Variants in MFAP3 observed in about 807,000 individuals in gnomAD.
MFAP3 encodes microfibril-associated glycoprotein 3.
MFAP3 carries 8 observed loss-of-function variants against 20.5 expected under a neutral mutation model. The ratio of observed to expected loss-of-function variants is 0.39; its 90% confidence interval spans 0.23 to 0.70. The LOEUF (loss-of-function observed/expected upper bound fraction) is 0.70. MFAP3 is among the 30% of genes least tolerant of loss of function. MFAP3 has a pLI of 0.44. For missense variants in MFAP3, 398 were observed against 444.6 expected, an observed-to-expected ratio of 0.90 and a Z score of 0.94; for synonymous variants, 140 against 154.0, an observed-to-expected ratio of 0.91 and a Z score of 0.67.
intron 1 of MFAP3, among the ~76,000 whole-genome samples, chr5:154,042,084 A>G (rs1422084311): frequency 6.6e-6 from 1 of 152,224 alleles, no homozygotes; most frequent in Non-Finnish European, 1.5e-5. Context: ...TGATACTGCA[A>G]AACTGGAAGA....
intron 2 of MFAP3, among the ~76,000 whole-genome samples, chr5:154,050,319 G>C (rs1056965998): frequency 1.3e-5 from 2 of 152,134 alleles, no homozygotes; most frequent in African/African-American, 4.8e-5. Context: ...CAGGGCTGCT[G>C]CATACAGCTG....
chr5:154,053,438 A>C lies in MFAP3; in HGVS notation c.814A>C (p.Lys272Gln). ...CCCTGATGACCTGGGTGAAAGAATTAAAGAGAGACCTGCCTTGAATGCTCA... is the reference window on the plus strand; with the variant it reads ...CCCTGATGACCTGGGTGAAAGAATTCAAGAGAGACCTGCCTTGAATGCTCA... Reference protein sequence around the residue: ...DDPDDLGERIKERPALNAQGG... With the variant: ...DDPDDLGERIQERPALNAQGG... The change falls in exon 3 of 3, where the codon AAA (lysine) becomes CAA (glutamine). Residue 272 changes from lysine to glutamine, a missense_variant. Transcript: ENST00000522782. The C allele has an allele frequency of 6.2e-7, 1 of 1,614,012 alleles. No homozygotes were observed.
chr5:154,044,237 T>A (rs1773026151), intron 1 of MFAP3, among the ~76,000 whole-genome samples: 1 of 152,238 alleles, frequency 6.6e-6, no homozygotes, highest in Admixed American at 6.5e-5. Context: ...ATGAGCAGAA[T>A]GGTCATAGTC....
At position 154,053,726 on chromosome 5, in the gene MFAP3, T is replaced by TA. The variant is rs1232608408; in HGVS notation, c.*15dup. 1.9e-6 allele frequency: 3 copies of TA among 1,593,548 alleles called. No homozygotes were observed. The Admixed American group carries it at 5.1e-5, about 27-fold the overall frequency. ...CTGTCAGCTGTAACCTACAATGCTG[T>TA]AACCCAGTACCTACAAAATCAGCTC... is the stretch of plus-strand genomic sequence containing the variant. On this transcript the variant is annotated 3_prime_UTR_variant, in exon 3 of 3. Coordinates refer to ENST00000522782, the MANE Select transcript of MFAP3 (RefSeq NM_005927.5).
At chr5:154,052,279 C>T (rs1447169928) in intron 2 of MFAP3, among the ~76,000 whole-genome samples, 2 of 151,856 alleles carry the variant, frequency 1.3e-5, no homozygotes, top group Admixed American at 1.3e-4. Flanking sequence ...TTCAGTTACT[C>T]TTGCCAGAAA....
chr5:154,049,568 A>T lies in MFAP3; in HGVS notation c.-155A>T. The T allele has an allele frequency of 2.7e-6, 2 of 729,648 alleles. No homozygotes were observed. Among genetic ancestry groups the T allele is most frequent in the Non-Finnish European group, 4.4e-6 (2 of 456,448 alleles). The allele number at this position is 729,648 out of a possible 1,614,324, so 45.2% of individuals were successfully genotyped here. ...TGGCTTTCTTTTAGGTTCTCTACTCACATCTTTTAATCTTGAAGACTAGAA... is the reference window on the plus strand; with the variant it reads ...TGGCTTTCTTTTAGGTTCTCTACTCTCATCTTTTAATCTTGAAGACTAGAA... On this transcript the variant is annotated 5_prime_UTR_variant, in exon 2 of 3. Transcript: ENST00000522782.
Position 154,056,622 on chromosome 5 carries a change from G to A in MFAP3, c.*2909G>A, listed in dbSNP as rs1773339094. 6.6e-6 allele frequency among the ~76,000 whole-genome samples: 1 copy of A among 152,150 alleles called. No individual in the cohort carries two copies. Among genetic ancestry groups the A allele is most frequent in the South Asian group, 2.1e-4 (1 of 4,832 alleles). On this transcript the variant is annotated 3_prime_UTR_variant, in exon 3 of 3. Coordinates refer to ENST00000522782, the MANE Select transcript of MFAP3 (RefSeq NM_005927.5). Reference sequence around the variant, plus strand: ...AAATTTTGTCGTGTATTGTGATATAGTGAACCTTATTGTCCTTATGAAATG... The same window carrying A: ...AAATTTTGTCGTGTATTGTGATATAATGAACCTTATTGTCCTTATGAAATG...
chr5:154,041,655 G>C (rs1298942810), intron 1 of MFAP3, among the ~76,000 whole-genome samples: 2 of 152,204 alleles, frequency 1.3e-5, no homozygotes, highest in Non-Finnish European at 2.9e-5. Flanking sequence ...ATCACCAGTA[G>C]ATTGTAAAAT....
chr5:154,056,614 G>A lies in MFAP3; in HGVS notation c.*2901G>A, dbSNP rs1773338816. Among the ~76,000 whole-genome samples, 2 of 152,104 alleles carry A rather than the reference G, an allele frequency of 1.3e-5. No individual in the cohort carries two copies. The highest frequency in any genetic ancestry group is 6.5e-5 in the Admixed American group (1 of 15,278). On this transcript the variant is annotated 3_prime_UTR_variant, in exon 3 of 3. Transcript: ENST00000522782. ...TCATTTGTAAATTTTGTCGTGTATT[G>A]TGATATAGTGAACCTTATTGTCCTT... is the stretch of plus-strand genomic sequence containing the variant.
chr5:154,054,301 G>A lies in MFAP3; in HGVS notation c.*588G>A, dbSNP rs946488154. The A allele has an allele frequency of 1.2e-5, 2 of 167,642 alleles. No homozygotes were observed. Among genetic ancestry groups the A allele is most frequent in the African/African-American group, 4.8e-5 (2 of 41,462 alleles). The allele number at this position is 167,642 out of a possible 1,614,324, so 10.4% of individuals were successfully genotyped here. A position where few individuals can be genotyped will look rare whatever the true frequency, so the allele number is the denominator to read the frequency against. On this transcript the variant is annotated 3_prime_UTR_variant, in exon 3 of 3. Transcript: ENST00000522782. ...GAGTGTTTTTCAGATGTTTTGCCAT[G>A]TGGAGCATATAATGATATGTGCAAG...
chr5:154,041,896 A>G (rs1423186857), intron 1 of MFAP3, among the ~76,000 whole-genome samples: 1 of 152,238 alleles, frequency 6.6e-6, no homozygotes, highest in Non-Finnish European at 1.5e-5. Context: ...ATTTACCCAC[A>G]TTAGTTCATC....
At chr5:154,040,732 G>C (rs2113552374) in intron 1 of MFAP3, among the ~76,000 whole-genome samples, 1 of 152,280 alleles carries the variant, frequency 6.6e-6, no homozygotes, top group East Asian at 1.9e-4. Context: ...CAAGAAATCT[G>C]CATCTTTAAC....
At chr5:154,052,768 C>A in intron 2 of MFAP3, 152 bp from the exon 3 acceptor site, 1 of 658,096 alleles carries the variant, frequency 1.5e-6, no homozygotes, top group Non-Finnish European at 2.5e-6. Flanking sequence ...TCACAGTCTG[C>A]CCTTTTTTTA....
At chr5:154,042,832 T>TA (rs1437223395) in intron 1 of MFAP3, among the ~76,000 whole-genome samples, 8 of 122,006 alleles carry the variant, frequency 6.6e-5, no homozygotes, top group Admixed American at 8.9e-5. Context: ...TAATTGGAGT[T>TA]TAAAAAAAAA....
At chr5:154,039,492 G>C (rs1029199151) in intron 1 of MFAP3, among the ~76,000 whole-genome samples, 1 of 152,184 alleles carries the variant, frequency 6.6e-6, no homozygotes, top group Non-Finnish European at 1.5e-5. Context: ...AGAGCAAAAG[G>C]AGCAAGGTGA....
chr5:154,053,568 A>T lies in MFAP3; in HGVS notation c.944A>T (p.Gln315Leu). ...LNEQGQEIAV[Q>L]VSVHLQSETK... ...GAACAAGGCCAGGAAATAGCAGTTCAGGTTTCTGTCCACCTTCAGTCAGAA... is the reference window on the plus strand; with the variant it reads ...GAACAAGGCCAGGAAATAGCAGTTCTGGTTTCTGTCCACCTTCAGTCAGAA... The change falls in exon 3 of 3, where the codon CAG becomes CTG. Residue 315 changes from glutamine to leucine, a missense_variant. Physicochemically the swap from Gln to Leu is moderately radical, Grantham distance 113 (BLOSUM62 -2). Coordinates refer to ENST00000522782, the MANE Select transcript of MFAP3 (RefSeq NM_005927.5). 1 of 1,613,998 alleles carries T rather than the reference A, an allele frequency of 6.2e-7. No individual in the cohort carries two copies. The highest frequency in any genetic ancestry group is 1.1e-5 in the South Asian group (1 of 91,084).
In MFAP3 at chr5:154,053,026, C is replaced by T; in HGVS notation, c.402C>T (p.Tyr134=). 1 of 1,613,908 alleles carries T rather than the reference C, an allele frequency of 6.2e-7. No individual in the cohort carries two copies. The highest frequency in any genetic ancestry group is 1.3e-5 in the African/African-American group (1 of 75,004). ...TCACCTCTCCAATTCGTGCCTCCTA[C>T]TCTGTCACCCTACGTGTTATCTTCA... ...CFVTSPIRAS[Y]SVTLRVIFTS... is the part of the protein sequence containing the mutation. Residue 134 remains tyrosine, a synonymous_variant, in exon 3 of 3, where the codon TAC becomes TAT. Transcript: ENST00000522782.
At chr5:154,039,310 T>G (rs1053914197) in intron 1 of MFAP3, 1 of 152,104 alleles carries the variant, frequency 6.6e-6, no homozygotes, top group Non-Finnish European at 1.5e-5. Context: ...AAGGTGGTAG[T>G]AAGTGCTGTA....
chr5:154,046,476 T>C (rs1441887034), intron 1 of MFAP3, among the ~76,000 whole-genome samples: 1 of 152,162 alleles, frequency 6.6e-6, no homozygotes, highest in East Asian at 1.9e-4. Flanking sequence ...TGAGATGGGA[T>C]AGACTGCCTA....
Sources: gnomAD v4.1 joint callset for allele counts (sites outside exome capture counted in the v4.1 genomes callset) on GRCh38, gnomAD v4.1.1 for gene constraint, MANE v1.5 for transcripts, NCBI Gene and HGNC (gene_info 2026-07-23, HGNC 2026-07-21) for gene names.